Variants in CTNNA3 observed in about 807,000 individuals in gnomAD.
The protein encoded by CTNNA3 is catenin alpha-3.
A neutral mutation model predicts 95.7 loss-of-function variants in CTNNA3; 76 were observed. That is an observed-to-expected ratio of 0.79 (90% CI 0.66 to 0.96). CTNNA3 has a LOEUF of 0.96. CTNNA3 is among the 40% of genes least tolerant of loss of function. The pLI is 0.00. For missense variants in CTNNA3, 1,191 were observed against 1,089.8 expected, an observed-to-expected ratio of 1.09 and a Z score of -1.31; for synonymous variants, 431 against 374.4, an observed-to-expected ratio of 1.15 and a Z score of -1.74.
chr10:66,221,390 TTAGC>T (rs2088920350), intron 13 of CTNNA3, among the ~76,000 whole-genome samples: 1 of 152,238 alleles, frequency 6.6e-6, no homozygotes, highest in African/African-American at 2.4e-5. Context: ...TGTGGTCATG[TTAGC>T]AGAAGCCAGT....
chr10:66,033,542 A>ATGTG (rs569093970), intron 15 of CTNNA3, among the ~76,000 whole-genome samples: 3 of 151,078 alleles, frequency 2.0e-5, no homozygotes, highest in Non-Finnish European at 4.4e-5. Context: ...GCTCATGTGT[A>ATGTG]TGTGTGTGTG....
At position 67,287,129 on chromosome 10, in the gene CTNNA3, G is replaced by A. The variant is rs541405642; in HGVS notation, c.580-67259C>T. On this transcript the variant is annotated intron_variant, in intron 5 of 17. Transcript: ENST00000433211. ...CGGAGGCAGGTGGATCATGAGGTCA[G>A]GAGTTCGAGACCAGCCTGGACAATA... Among the ~76,000 whole-genome samples the A allele has an allele frequency of 2.4e-4, 36 of 152,244 alleles. 1 individual carries two copies. The highest frequency in any genetic ancestry group is 8.7e-4 in the African/African-American group (36 of 41,550).
chr10:66,209,935 G>A (rs994453250), intron 13 of CTNNA3, among the ~76,000 whole-genome samples: 5 of 152,076 alleles, frequency 3.3e-5, no homozygotes, highest in Non-Finnish European at 5.9e-5. Flanking sequence ...CAGAGATAGA[G>A]GCAGAGACAG....
intron 5 of CTNNA3, among the ~76,000 whole-genome samples, chr10:67,248,958 G>C (rs1866005885): frequency 6.6e-6 from 1 of 151,996 alleles, no homozygotes; most frequent in Non-Finnish European, 1.5e-5. Context: ...GGCATAAATG[G>C]GTTTTAATAT....
chr10:65,978,288 T>C (rs576308276), intron 16 of CTNNA3, among the ~76,000 whole-genome samples: 1 of 152,296 alleles, frequency 6.6e-6, no homozygotes, highest in East Asian at 1.9e-4. Flanking sequence ...GCATTCATTA[T>C]ATATGTTGCA....
intron 7 of CTNNA3, among the ~76,000 whole-genome samples, chr10:67,094,470 G>C (rs1857845115): frequency 6.6e-6 from 1 of 151,526 alleles, no homozygotes; most frequent in Admixed American, 6.6e-5. Flanking sequence ...GTAATTGGGG[G>C]AACAGTGTAT....
intron 17 of CTNNA3, among the ~76,000 whole-genome samples, chr10:65,949,337 A>G (rs1244910424): frequency 3.3e-5 from 5 of 152,228 alleles, no homozygotes. Flanking sequence ...TTGTCAACAA[A>G]ATATCATAAG....
intron 15 of CTNNA3, among the ~76,000 whole-genome samples, chr10:66,062,828 T>A (rs1468620976): frequency 6.6e-6 from 1 of 152,092 alleles, no homozygotes; most frequent in African/African-American, 2.4e-5. Context: ...TTGTAAAACA[T>A]GAAATGTGTC....
chr10:67,761,094 A>G (rs991839874), intron 1 of CTNNA3, among the ~76,000 whole-genome samples: 4 of 152,230 alleles, frequency 2.6e-5, no homozygotes, highest in Admixed American at 1.3e-4. Context: ...CCTGTACAAC[A>G]TATTCAGTAG....
chr10:67,565,888 C>T (rs555098561), intron 3 of CTNNA3, among the ~76,000 whole-genome samples: 1 of 134,164 alleles, frequency 7.5e-6, no homozygotes, highest in Admixed American at 7.8e-5. Context: ...AAAAAGATAC[C>T]TTCACTTGTA....
chr10:67,693,075 C>T (rs1840899744), intron 1 of CTNNA3, among the ~76,000 whole-genome samples: 1 of 152,150 alleles, frequency 6.6e-6, no homozygotes, highest in African/African-American at 2.4e-5. Flanking sequence ...TTCCATTTTG[C>T]ACACAGGAAC....
chr10:66,571,345 A>G (rs1453296334), intron 10 of CTNNA3, among the ~76,000 whole-genome samples: 1 of 152,162 alleles, frequency 6.6e-6, no homozygotes, highest in Non-Finnish European at 1.5e-5. Context: ...TAGCATTACA[A>G]CTATCTGTGT....
intron 5 of CTNNA3, among the ~76,000 whole-genome samples, chr10:67,439,357 T>C (rs1846415700): frequency 1.3e-5 from 2 of 152,116 alleles, no homozygotes; most frequent in South Asian, 4.1e-4. Flanking sequence ...GGAAACATGA[T>C]GCTGGCATCT....
intron 15 of CTNNA3, among the ~76,000 whole-genome samples, chr10:66,004,274 C>A (rs2078834867): frequency 6.6e-6 from 1 of 152,176 alleles, no homozygotes; most frequent in African/African-American, 2.4e-5. Context: ...CTAAGTGGGT[C>A]TGATTAAAAC....
rs552141823 is a variant in CTNNA3 at position 66,907,068 on chromosome 10, T to C, written c.1048-131544A>G. ...TTTTGATCAGGCTGCATTGAATTTA[T>C]ACACTGATTAATTTAAGCTATTGAT... is the stretch of plus-strand genomic sequence containing the variant. On this transcript the variant is annotated intron_variant, in intron 7 of 17. Coordinates refer to ENST00000433211, the MANE Select transcript of CTNNA3 (RefSeq NM_013266.4). 1.7e-4 allele frequency among the ~76,000 whole-genome samples: 26 copies of C among 152,322 alleles called. No individual in the cohort carries two copies. In the South Asian group the frequency reaches 4.8e-3, roughly 28 times the overall value.
chr10:67,056,652 A>G (rs1855450177), intron 7 of CTNNA3, among the ~76,000 whole-genome samples: 1 of 152,180 alleles, frequency 6.6e-6, no homozygotes, highest in African/African-American at 2.4e-5. Context: ...CGACAGAAAA[A>G]TAAACACAAA....
At chr10:66,718,640 ATG>A (rs1848530237) in intron 9 of CTNNA3, among the ~76,000 whole-genome samples, 1 of 149,336 alleles carries the variant, frequency 6.7e-6, no homozygotes, top group Admixed American at 6.7e-5. Context: ...TAATAATATA[ATG>A]TAAATATCAT....
chr10:66,513,406 G>A (rs1168323407), intron 11 of CTNNA3, among the ~76,000 whole-genome samples: 1 of 152,094 alleles, frequency 6.6e-6, no homozygotes, highest in Admixed American at 6.5e-5. Flanking sequence ...AGTGTCTTAT[G>A]CTCTAGTTGT....
chr10:67,076,768 A>G lies in CTNNA3; in HGVS notation c.1047+103549T>C, dbSNP rs974811023. Among the ~76,000 whole-genome samples the G allele has an allele frequency of 1.8e-4, 28 of 152,294 alleles. 1 individual carries two copies. The highest frequency in any genetic ancestry group is 3.4e-3 in the Middle Eastern group (1 of 294). On this transcript the variant is annotated intron_variant, in intron 7 of 17. Coordinates refer to ENST00000433211, the MANE Select transcript of CTNNA3 (RefSeq NM_013266.4). ...AAAATACTACAACATAAACTAAGAG[A>G]AACTTTCAAAAGCAATGTTCAACTT...
Sources: allele counts gnomAD v4.1 joint callset (sites outside exome capture counted in the v4.1 genomes callset), GRCh38; gene constraint gnomAD v4.1.1; transcripts MANE v1.5; gene names NCBI Gene and HGNC (gene_info 2026-07-23, HGNC 2026-07-21).